Variants in SRGAP1 observed in about 807,000 individuals in gnomAD.
SRGAP1 encodes SLIT-ROBO Rho GTPase activating protein 1.
In SRGAP1, 43 loss-of-function variants were observed where a neutral mutation model predicts 121.9. The ratio of observed to expected loss-of-function variants is 0.35; its 90% CI spans 0.28 to 0.46. The LOEUF (loss-of-function observed/expected upper bound fraction) is 0.46, where lower values mean the gene tolerates loss of function less well. Among genes scored for constraint, SRGAP1 ranks in the 20% least tolerant of loss-of-function variants. SRGAP1 has a pLI of 1.00. For synonymous variants in SRGAP1, 447 were observed against 485.4 expected (o/e 0.92, Z 1.04); for missense variants, 1,102 against 1,350.9 (o/e 0.82, Z 2.89).
chr12:64,043,507 C>A lies in SRGAP1; in HGVS notation c.733C>A (p.Leu245Ile). ...AATTAAGGCACGGAACGAATATCTC[C>A]TAACACTTGAAGCCACCAATGCCTC... Reference protein sequence around the residue: ...KSIKARNEYLLTLEATNASVF... With the variant: ...KSIKARNEYLITLEATNASVF... Residue 245 changes from leucine to isoleucine, a missense_variant, in exon 6 of 22, where the codon CTA becomes ATA. Transcript: ENST00000355086. 1 of 1,612,550 alleles carries A rather than the reference C, an allele frequency of 6.2e-7. No homozygotes were observed. Among genetic ancestry groups the A allele is most frequent in the Non-Finnish European group, 8.5e-7 (1 of 1,179,100 alleles).
intron 1 of SRGAP1, among the ~76,000 whole-genome samples, chr12:63,969,972 A>G (rs1330940431): frequency 1.3e-5 from 2 of 151,908 alleles, no homozygotes; most frequent in Non-Finnish European, 2.9e-5. Context: ...CTTTCCTCAC[A>G]TGTCCCTCCT....
intron 2 of SRGAP1, among the ~76,000 whole-genome samples, chr12:63,988,018 G>A (rs1017687735): frequency 6.6e-6 from 1 of 152,170 alleles, no homozygotes; most frequent in African/African-American, 2.4e-5. Flanking sequence ...AGCTAGTAAG[G>A]GGTAGTCCTG....
At chr12:64,065,087 C>A (rs376513492) in intron 7 of SRGAP1, 31 bp from the exon 8 acceptor site, 7 of 1,570,090 alleles carry the variant, frequency 4.5e-6, no homozygotes, top group Non-Finnish European at 6.1e-6. Flanking sequence ...TGATGGTGCC[C>A]TGTTGTAACT....
intron 1 of SRGAP1, among the ~76,000 whole-genome samples, chr12:63,872,992 G>A (rs1419290040): frequency 6.6e-6 from 1 of 152,158 alleles, no homozygotes; most frequent in African/African-American, 2.4e-5. Context: ...CTGGGTATAG[G>A]AAAGGCTCCT....
intron 1 of SRGAP1, among the ~76,000 whole-genome samples, chr12:63,937,744 G>A (rs1007538941): frequency 2.6e-5 from 4 of 152,180 alleles, no homozygotes; most frequent in Non-Finnish European, 5.9e-5. Flanking sequence ...CTAGGAGCTC[G>A]CCTTAAACTG....
intron 1 of SRGAP1, among the ~76,000 whole-genome samples, chr12:63,875,898 CA>C (rs1187561881): frequency 6.6e-6 from 1 of 152,132 alleles, no homozygotes; most frequent in East Asian, 1.9e-4. Context: ...TTTATAAAAC[CA>C]AATGATAAAA....
chr12:63,924,931 T>G (rs1057085108), intron 1 of SRGAP1, among the ~76,000 whole-genome samples: 6 of 152,168 alleles, frequency 3.9e-5, no homozygotes, highest in South Asian at 4.1e-4. Context: ...AATTTAAAAT[T>G]TTTGTCTTAA....
chr12:64,124,090 C>T (rs2036650265), intron 18 of SRGAP1, among the ~76,000 whole-genome samples: 1 of 152,070 alleles, frequency 6.6e-6, no homozygotes, highest in Non-Finnish European at 1.5e-5. Flanking sequence ...AAAGAAGGGG[C>T]ATTTTTCTTT....
chr12:63,922,346 A>G (rs2031091825), intron 1 of SRGAP1, among the ~76,000 whole-genome samples: 1 of 152,138 alleles, frequency 6.6e-6, no homozygotes, highest in East Asian at 1.9e-4. Flanking sequence ...TGGGGCAGGA[A>G]CTCTAATTCA....
intron 1 of SRGAP1, among the ~76,000 whole-genome samples, chr12:63,883,485 A>G (rs1900262928): frequency 6.6e-6 from 1 of 152,174 alleles, no homozygotes; most frequent in African/African-American, 2.4e-5. Context: ...TTCCTAAATT[A>G]AAAAAGAAAA....
rs564666849 is a variant in SRGAP1 at position 63,992,945 on chromosome 12, A to G, written c.426+2873A>G. On this transcript the variant is annotated intron_variant, in intron 3 of 21. Transcript: ENST00000355086. Reference sequence around the variant, plus strand: ...TTGCTGACCACCTGGAAGGGTAACAAGTCATTACAATTACAGGTGTGAAGT... The same window carrying G: ...TTGCTGACCACCTGGAAGGGTAACAGGTCATTACAATTACAGGTGTGAAGT... Among the ~76,000 whole-genome samples, 4 of 152,274 alleles carry G rather than the reference A, an allele frequency of 2.6e-5. No homozygotes were observed. In the East Asian group the frequency reaches 7.7e-4, roughly 29 times the overall value.
At chr12:64,004,552 A>G (rs940475091) in intron 3 of SRGAP1, among the ~76,000 whole-genome samples, 1 of 151,998 alleles carries the variant, frequency 6.6e-6, no homozygotes, top group South Asian at 2.1e-4. Context: ...TTGTATTTTT[A>G]GTAGAGACAG....
chr12:64,124,355 T>C (rs2036654473), intron 18 of SRGAP1, among the ~76,000 whole-genome samples: 3 of 152,252 alleles, frequency 2.0e-5, no homozygotes, highest in Non-Finnish European at 4.4e-5. Flanking sequence ...TGCTACCAAA[T>C]AGAAGACAAC....
At chr12:63,867,930 A>G in intron 1 of SRGAP1, among the ~76,000 whole-genome samples, 1 of 150,248 alleles carries the variant, frequency 6.7e-6, no homozygotes, top group Non-Finnish European at 1.5e-5. Flanking sequence ...GTTAAAAAGT[A>G]TTGTGTTGTT....
rs745588858 is a variant in SRGAP1, at chr12:64,108,917, ATCT to A, written c.1814-11_1814-9del. ...CAAGTGAAAGGACTCTGACCATGTC[ATCT>A]TCTGTCTGTAGGAATAGATAATCTC... is the stretch of plus-strand genomic sequence containing the variant. On this transcript the variant is annotated splice_polypyrimidine_tract_variant and intron_variant, in intron 15 of 21. Coordinates refer to ENST00000355086, the MANE Select transcript of SRGAP1 (RefSeq NM_020762.4). 76 of 1,577,598 alleles carry A rather than the reference ATCT, an allele frequency of 4.8e-5. No homozygotes were observed. In the East Asian group the frequency reaches 1.4e-3, roughly 28 times the overall value.
At chr12:63,909,581 C>T (rs539223883) in intron 1 of SRGAP1, among the ~76,000 whole-genome samples, 9 of 152,322 alleles carry the variant, frequency 5.9e-5, no homozygotes, top group African/African-American at 1.9e-4. Flanking sequence ...GTGTTCCTGT[C>T]GTCTTTTTTG....
chr12:64,057,741 G>A (rs1189556539), intron 6 of SRGAP1, among the ~76,000 whole-genome samples: 4 of 152,170 alleles, frequency 2.6e-5, no homozygotes, highest in African/African-American at 7.2e-5. Context: ...GTATAGAAAT[G>A]AAGGTAGAAT....
chr12:64,009,750 T>TA (rs11397428), intron 3 of SRGAP1, among the ~76,000 whole-genome samples: 72,474 of 151,942 alleles, frequency 0.48, 18,115 homozygotes, highest in African/African-American at 0.59. Flanking sequence ...GAGTTTTGTC[T>TA]AAAAAAATCT....
intron 6 of SRGAP1, among the ~76,000 whole-genome samples, chr12:64,044,700 A>C (rs1593073206): frequency 4.6e-5 from 2 of 43,876 alleles, no homozygotes; most frequent in Non-Finnish European, 6.3e-5. Context: ...TTTTTTTTTT[A>C]AGACAGAGTC....
Sources: allele counts gnomAD v4.1 joint callset (sites outside exome capture counted in the v4.1 genomes callset), GRCh38; gene constraint gnomAD v4.1.1; transcripts MANE v1.5; gene names NCBI Gene and HGNC (gene_info 2026-07-23, HGNC 2026-07-21).